Variants in SMCO4 observed in about 807,000 individuals in gnomAD.
The protein encoded by SMCO4 is single-pass membrane and coiled-coil domain-containing protein 4.
SMCO4 carries 4 observed loss-of-function variants against 3.6 expected under a neutral mutation model. The observed-to-expected ratio is 1.11, with a 90% CI of 0.54 to 2.53. The LOEUF is 2.53. Among genes scored for constraint, SMCO4 ranks in the 30% most tolerant of loss-of-function variants. The pLI, the probability that SMCO4 is intolerant of heterozygous loss-of-function variation, is 0.02. For missense variants in SMCO4, 70 were observed against 80.8 expected (o/e 0.87, Z 0.51); for synonymous variants, 36 against 35.3 (o/e 1.02, Z -0.07).
intron 1 of SMCO4, among the ~76,000 whole-genome samples, chr11:93,533,132 G>A (rs1287637150): frequency 2.0e-5 from 3 of 152,142 alleles, no homozygotes; most frequent in Non-Finnish European, 4.4e-5. Context: ...TCATTTATTC[G>A]ATAAATAATA....
At chr11:93,513,043 T>C (rs558946860) in intron 1 of SMCO4, among the ~76,000 whole-genome samples, 1 of 152,296 alleles carries the variant, frequency 6.6e-6, no homozygotes, top group African/African-American at 2.4e-5. Flanking sequence ...ATGACCAGAC[T>C]TTATACTATC....
At chr11:93,535,512 G>C (rs965399381) in intron 1 of SMCO4, 3 of 1,401,096 alleles carry the variant, frequency 2.1e-6, no homozygotes, top group African/African-American at 2.8e-5. Context: ...GAGCTGACCA[G>C]ACTTTTCCAG....
intron 2 of SMCO4, among the ~76,000 whole-genome samples, chr11:93,490,669 G>T (rs533194164): frequency 6.6e-6 from 1 of 152,184 alleles, no homozygotes; most frequent in Non-Finnish European, 1.5e-5. Flanking sequence ...AATGGCCCAG[G>T]TGAGGTTGTG....
At chr11:93,514,443 A>G (rs897556) in intron 1 of SMCO4, among the ~76,000 whole-genome samples, 36,287 of 128,498 alleles carry the variant, frequency 0.28, 5,886 homozygotes, top group African/African-American at 0.3. Context: ...TCTTCCAAAG[A>G]TCACCCTAAG....
At chr11:93,499,221 C>T (rs1948810023) in intron 2 of SMCO4, 55 bp downstream of exon 2, 1 of 152,216 alleles carries the variant, frequency 6.6e-6, no homozygotes, top group Non-Finnish European at 1.5e-5. Flanking sequence ...AGAGAAATGA[C>T]TGGGACAGTA....
chr11:93,519,490 C>T (rs1468357769), intron 1 of SMCO4, among the ~76,000 whole-genome samples: 1 of 152,126 alleles, frequency 6.6e-6, no homozygotes, highest in East Asian at 1.9e-4. Context: ...GCATGCCTGT[C>T]CAAGAGAACA....
At chr11:93,535,042 G>A (rs535529134) in intron 1 of SMCO4, among the ~76,000 whole-genome samples, 25 of 152,270 alleles carry the variant, frequency 1.6e-4, no homozygotes, top group Non-Finnish European at 2.8e-4. Context: ...TTTCCAGCAC[G>A]CAATCTTTAA....
chr11:93,522,634 TGTTAATCTAGGCAG>T (rs1949068614), intron 1 of SMCO4, among the ~76,000 whole-genome samples: 1 of 152,276 alleles, frequency 6.6e-6, no homozygotes, highest in Admixed American at 6.5e-5. Context: ...TAGAGCTTGC[TGTTAATCTAGGCAG>T]GTGGCCAGGT....
chr11:93,526,629 A>G (rs757628308), intron 1 of SMCO4, among the ~76,000 whole-genome samples: 8 of 152,202 alleles, frequency 5.3e-5, no homozygotes, highest in Non-Finnish European at 1.0e-4. Flanking sequence ...TCCTCCTCAC[A>G]TCTCCAAGGT....
intron 1 of SMCO4, among the ~76,000 whole-genome samples, chr11:93,526,953 A>T (rs1404825864): frequency 6.6e-6 from 1 of 152,124 alleles, no homozygotes; most frequent in Non-Finnish European, 1.5e-5. Flanking sequence ...TGCCCTTTCC[A>T]CTGCACTGCT....
chr11:93,539,860 C>T (rs1203001065), intron 1 of SMCO4, among the ~76,000 whole-genome samples: 1 of 152,038 alleles, frequency 6.6e-6, no homozygotes, highest in Non-Finnish European at 1.5e-5. Context: ...CAGCCCACTC[C>T]TCTCTCTAGC....
chr11:93,523,019 T>C (rs1022683100), intron 1 of SMCO4, among the ~76,000 whole-genome samples: 2 of 152,092 alleles, frequency 1.3e-5, no homozygotes, highest in African/African-American at 4.8e-5. Flanking sequence ...AGATCAAAAA[T>C]TGCAGGTCAC....
intron 1 of SMCO4, among the ~76,000 whole-genome samples, chr11:93,519,883 T>G (rs1949041886): frequency 1.3e-5 from 2 of 152,186 alleles, no homozygotes; most frequent in African/African-American, 2.4e-5. Flanking sequence ...AAGCTAAGAC[T>G]TAACTCCAAT....
At chr11:93,480,495 TG>T (rs1457319310) in intron 2 of SMCO4, among the ~76,000 whole-genome samples, 1 of 152,124 alleles carries the variant, frequency 6.6e-6, no homozygotes, top group Non-Finnish European at 1.5e-5. Context: ...CCTTCCAATT[TG>T]TACAGCAGGA....
intron 1 of SMCO4, among the ~76,000 whole-genome samples, chr11:93,537,473 T>G (rs1400993024): frequency 6.6e-6 from 1 of 152,174 alleles, no homozygotes; most frequent in Non-Finnish European, 1.5e-5. Flanking sequence ...TACTTCTTCT[T>G]TCTGCTTGCA....
At chr11:93,500,119 C>T (rs1222562948) in intron 1 of SMCO4, among the ~76,000 whole-genome samples, 4 of 152,168 alleles carry the variant, frequency 2.6e-5, no homozygotes, top group Non-Finnish European at 4.4e-5. Flanking sequence ...TACTAAAATA[C>T]GTAAAGATAA....
intron 2 of SMCO4, among the ~76,000 whole-genome samples, chr11:93,498,210 T>G (rs879911840): frequency 6.6e-6 from 1 of 152,242 alleles, no homozygotes; most frequent in Non-Finnish European, 1.5e-5. Context: ...GCTTTGTCCC[T>G]CTGGCTATGA....
intron 1 of SMCO4, among the ~76,000 whole-genome samples, chr11:93,532,867 T>C (rs1349698914): frequency 6.6e-6 from 1 of 152,156 alleles, no homozygotes; most frequent in Non-Finnish European, 1.5e-5. Context: ...AATAAACATG[T>C]CGTGTATTTT....
At chr11:93,541,909 C>T (rs1302305373) in intron 1 of SMCO4, among the ~76,000 whole-genome samples, 1 of 152,156 alleles carries the variant, frequency 6.6e-6, no homozygotes, top group Non-Finnish European at 1.5e-5. Flanking sequence ...ATCACACTGT[C>T]GAGCTCTCTC....
Sources: gnomAD v4.1 joint callset for allele counts (sites outside exome capture counted in the v4.1 genomes callset) on GRCh38, gnomAD v4.1.1 for gene constraint, MANE v1.5 for transcripts, NCBI Gene and HGNC (gene_info 2026-07-23, HGNC 2026-07-21) for gene names.